The following ANKHD1 variants were observed in gnomAD, a reference collection of about 807,000 sequenced individuals.
ANKHD1 encodes the protein ankyrin repeat and KH domain containing 1, also known as ankyrin repeat and KH domain-containing protein 1.
Under a neutral mutation model 230.5 loss-of-function variants are expected in ANKHD1, and 31 were observed. The observed-to-expected ratio is 0.13, with a 90% CI of 0.10 to 0.18. The LOEUF (loss-of-function observed/expected upper bound fraction) is 0.18. Ranked by LOEUF, ANKHD1 falls within the 10% of genes least tolerant of loss-of-function variation. The pLI is 1.00. For synonymous variants in ANKHD1, 1,074 were observed against 1,117.6 expected (o/e 0.96, Z 0.78); for missense variants, 2,256 against 3,071.3 (o/e 0.73, Z 6.27).
chr5:140,509,919 A>T, intron 21 of ANKHD1, 100 bp from the exon 22 acceptor site: 1 of 1,543,762 alleles, frequency 6.5e-7, no homozygotes, highest in East Asian at 2.3e-5. Flanking sequence ...TTAAGAAAAG[A>T]TTATTTGCAA....
intron 29 of ANKHD1, among the ~76,000 whole-genome samples, chr5:140,530,573 G>C (rs1050280832): frequency 1.3e-5 from 2 of 152,208 alleles, no homozygotes; most frequent in African/African-American, 2.4e-5. Context: ...TGAAAGACCA[G>C]TGTAGATTTA....
intron 14 of ANKHD1, among the ~76,000 whole-genome samples, chr5:140,488,586 CAA>C (rs748482203): frequency 5.1e-5 from 6 of 118,346 alleles, no homozygotes; most frequent in East Asian, 2.4e-4. Context: ...AACTCTGTCT[CAA>C]AAAAAAAAAA....
chr5:140,463,463 A>T (rs1775863055), intron 9 of ANKHD1, among the ~76,000 whole-genome samples: 1 of 152,144 alleles, frequency 6.6e-6, no homozygotes, highest in African/African-American at 2.4e-5. Flanking sequence ...GTACTTAGAG[A>T]CCACAATCTA....
At chr5:140,533,585 C>T (rs1400265299) in intron 29 of ANKHD1, among the ~76,000 whole-genome samples, 2 of 151,804 alleles carry the variant, frequency 1.3e-5, no homozygotes, top group African/African-American at 4.8e-5. Context: ...GGCAACAGAG[C>T]GAGACACCCT....
chr5:140,406,396 A>G (rs1186017326), intron 1 of ANKHD1, among the ~76,000 whole-genome samples: 1 of 152,134 alleles, frequency 6.6e-6, no homozygotes, highest in South Asian at 2.1e-4. Flanking sequence ...TTTTTGCTCT[A>G]GAATTAGTTG....
At chr5:140,502,529 AAG>A (rs1752352380) in intron 15 of ANKHD1, among the ~76,000 whole-genome samples, 1 of 152,198 alleles carries the variant, frequency 6.6e-6, no homozygotes, top group African/African-American at 2.4e-5. Flanking sequence ...TTTCATAATA[AAG>A]AGAGATGAGA....
In ANKHD1 at chr5:140,474,722, G is replaced by C. The variant is rs143523073; in HGVS notation, c.1783-7858G>C. ...TGGCATCCCCTTTCCTCAGCCTCCT[G>C]AGTAGCTAGGACTACAGGTATGCAC... is the stretch of plus-strand genomic sequence containing the variant. On this transcript the variant is annotated intron_variant, in intron 10 of 33. Coordinates refer to ENST00000360839, the MANE Select transcript of ANKHD1 (RefSeq NM_017747.3). Among the ~76,000 whole-genome samples the C allele has an allele frequency of 1.7e-3, 250 of 150,024 alleles. 7 individuals are homozygous for C. The highest frequency in any genetic ancestry group is 2.4e-4 in the Non-Finnish European group (16 of 67,774).
At chr5:140,525,142 G>C (rs1311335007) in intron 25 of ANKHD1, among the ~76,000 whole-genome samples, 7 of 151,514 alleles carry the variant, frequency 4.6e-5, no homozygotes, top group Non-Finnish European at 1.0e-4. Flanking sequence ...AGAAAAAAAA[G>C]AATATTAAGA....
intron 9 of ANKHD1, among the ~76,000 whole-genome samples, chr5:140,461,076 A>T (rs576362338): frequency 6.6e-5 from 10 of 152,324 alleles, no homozygotes; most frequent in African/African-American, 2.4e-4. Flanking sequence ...AAGAAGGAAT[A>T]AATGTTTATT....
At chr5:140,446,125 TTTAGTC>T in intron 6 of ANKHD1, 150 bp downstream of exon 6, 3 of 777,532 alleles carry the variant, frequency 3.9e-6, no homozygotes, top group Non-Finnish European at 5.4e-6. Context: ...GAAAGTCTAT[TTTAGTC>T]TATATTGCCT....
At chr5:140,499,796 ATAAAG>A (rs1752196004) in intron 15 of ANKHD1, among the ~76,000 whole-genome samples, 1 of 152,188 alleles carries the variant, frequency 6.6e-6, no homozygotes, top group Non-Finnish European at 1.5e-5. Context: ...GTCTAGGAAT[ATAAAG>A]TAATTTAAAG....
chr5:140,460,210 T>A (rs1003246300), intron 9 of ANKHD1, among the ~76,000 whole-genome samples: 13 of 152,174 alleles, frequency 8.5e-5, no homozygotes, highest in Non-Finnish European at 1.5e-5. Context: ...TGCTTTATTA[T>A]TAAGCTGTGG....
chr5:140,522,318 C>T (rs191157417), intron 24 of ANKHD1, among the ~76,000 whole-genome samples: 1 of 152,266 alleles, frequency 6.6e-6, no homozygotes, highest in Non-Finnish European at 1.5e-5. Flanking sequence ...TTGCCAAATA[C>T]GAAAACAATT....
intron 1 of ANKHD1, among the ~76,000 whole-genome samples, chr5:140,429,294 A>G (rs536332697): frequency 1.8e-4 from 28 of 151,448 alleles, no homozygotes; most frequent in Admixed American, 1.3e-4. Flanking sequence ...GGGTTTCACC[A>G]TATTGGCCAG....
chr5:140,417,474 A>G (rs1156689440), intron 1 of ANKHD1, among the ~76,000 whole-genome samples: 2 of 152,006 alleles, frequency 1.3e-5, no homozygotes, highest in Non-Finnish European at 2.9e-5. Context: ...TTAATTAAAG[A>G]CAGTGTCTCT....
At chr5:140,424,396 G>A (rs184473896) in intron 1 of ANKHD1, among the ~76,000 whole-genome samples, 7 of 152,148 alleles carry the variant, frequency 4.6e-5, no homozygotes, top group Admixed American at 1.3e-4. Flanking sequence ...TCATCTTCCC[G>A]CCCCAGCCTC....
At chr5:140,510,371 G>T (rs1441291379) in intron 22 of ANKHD1, among the ~76,000 whole-genome samples, 190 bp downstream of exon 22, 1 of 135,406 alleles carries the variant, frequency 7.4e-6, no homozygotes, top group African/African-American at 2.8e-5. Flanking sequence ...AGAATGCAGT[G>T]GCATGATCGC....
At chr5:140,483,514 A>G (rs1469633068) in intron 11 of ANKHD1, among the ~76,000 whole-genome samples, 1 of 144,936 alleles carries the variant, frequency 6.9e-6, no homozygotes, top group African/African-American at 2.6e-5. Flanking sequence ...CTGGAGTGCA[A>G]TGGCGCCAAC....
At chr5:140,475,583 G>A (rs1750919431) in intron 10 of ANKHD1, among the ~76,000 whole-genome samples, 1 of 152,076 alleles carries the variant, frequency 6.6e-6, no homozygotes. Flanking sequence ...AAAAAAAAGG[G>A]GGGAAAAATT....
Sources: gnomAD v4.1 joint callset for allele counts (sites outside exome capture counted in the v4.1 genomes callset) on GRCh38, gnomAD v4.1.1 for gene constraint, MANE v1.5 for transcripts, NCBI Gene and HGNC (gene_info 2026-07-23, HGNC 2026-07-21) for gene names.